ZFPM1: variants seen among roughly 807,000 people sequenced by gnomAD.
ZFPM1 encodes the protein zinc finger protein, FOG family member 1, also known as zinc finger protein ZFPM1.
ZFPM1 carries 28 observed loss-of-function variants against 46.3 expected under a neutral mutation model. The observed-to-expected ratio is 0.60, with a 90% CI of 0.45 to 0.83. ZFPM1 has a LOEUF of 0.83. Ranked by LOEUF, ZFPM1 falls within the 40% of genes least tolerant of loss-of-function variation. The pLI, the probability that ZFPM1 is intolerant of heterozygous loss-of-function variation, is 0.00. For missense variants in ZFPM1, 1,878 were observed against 1,432.4 expected, an observed-to-expected ratio of 1.31 and a Z score of -5.02; for synonymous variants, 957 against 675.9, an observed-to-expected ratio of 1.42 and a Z score of -6.45.
At chr16:88,527,761 G>A (rs532725144) in intron 5 of ZFPM1, among the ~76,000 whole-genome samples, 2 of 151,592 alleles carry the variant, frequency 1.3e-5, no homozygotes, top group Admixed American at 6.6e-5. Context: ...TCCACCACCC[G>A]CCCTCCACGT....
chr16:88,534,963 C>G lies in ZFPM1; in HGVS notation c.3005C>G (p.Ala1002Gly), dbSNP rs896467431. ...HKKYYCSSHA[A>G]EHVK ...AAGTATTACTGCTCCTCGCACGCCG[C>G]CGAGCACGTGAAGTGAGCGCCCACA... The change falls in exon 10 of 10, where the codon GCC becomes GGC. Residue 1002 changes from alanine (A) to glycine (G), a missense_variant. Transcript: ENST00000319555. 6.8e-7 allele frequency: 1 copy of G among 1,473,988 alleles called. No homozygotes were observed. Among genetic ancestry groups the G allele is most frequent in the Non-Finnish European group, 9.1e-7 (1 of 1,101,238 alleles). The allele number at this position is 1,473,988 out of a possible 1,614,324, so 91.3% of individuals were successfully genotyped here. A position where few individuals can be genotyped will look rare whatever the true frequency, so the allele number is the denominator to read the frequency against.
At chr16:88,521,536 G>A (rs1014345536) in intron 4 of ZFPM1, among the ~76,000 whole-genome samples, 2 of 54,928 alleles carry the variant, frequency 3.6e-5, no homozygotes, top group Non-Finnish European at 7.2e-5. Context: ...CCCCCAACCC[G>A]TGCTGTTCCC....
rs1909189785 is a variant in ZFPM1, at chr16:88,485,844, T to G, written c.41-95T>G. The G allele has an allele frequency of 3.3e-6, 4 of 1,197,354 alleles. No individual in the cohort carries two copies. The Admixed American group carries it at 5.9e-5, about 18-fold the overall frequency. 74.2% of individuals were successfully genotyped at this position (1,197,354 alleles called of 1,614,324 possible). A position where few individuals can be genotyped will look rare whatever the true frequency, so the allele number is the denominator to read the frequency against. On this transcript the variant is annotated intron_variant, in intron 1 of 9. Coordinates refer to ENST00000319555, the MANE Select transcript of ZFPM1 (RefSeq NM_153813.3). The stretch of plus-strand genomic sequence containing the variant: ...ACCCCCACCCATTGCCATTTCCGCC[T>G]GGGCACCGGGGCTGTACCTATGCCA...
At chr16:88,499,572 C>T (rs1314403805) in intron 3 of ZFPM1, among the ~76,000 whole-genome samples, 1 of 152,214 alleles carries the variant, frequency 6.6e-6, no homozygotes, top group Admixed American at 6.5e-5. Context: ...AGGCTGGACA[C>T]GGAGCAGGTC....
intron 3 of ZFPM1, among the ~76,000 whole-genome samples, chr16:88,502,000 C>G (rs1910371237): frequency 6.6e-6 from 1 of 152,168 alleles, no homozygotes; most frequent in Non-Finnish European, 1.5e-5. Flanking sequence ...TGCAAACGCC[C>G]CAACCCATGG....
At chr16:88,460,798 C>G (rs1421261579) in intron 1 of ZFPM1, among the ~76,000 whole-genome samples, 1 of 152,198 alleles carries the variant, frequency 6.6e-6, no homozygotes, top group African/African-American at 2.4e-5. Flanking sequence ...GGAAGAGGAC[C>G]TGACTTATTC....
At chr16:88,486,808 T>G (rs1909258000) in intron 2 of ZFPM1, among the ~76,000 whole-genome samples, 1 of 148,672 alleles carries the variant, frequency 6.7e-6, no homozygotes, top group African/African-American at 2.5e-5. Flanking sequence ...GGATGCTGGG[T>G]GCACAGCAGA....
At chr16:88,494,765 G>A (rs1257119724) in intron 3 of ZFPM1, among the ~76,000 whole-genome samples, 2 of 152,036 alleles carry the variant, frequency 1.3e-5, no homozygotes, top group Non-Finnish European at 2.9e-5. Context: ...GCAGCAGGAG[G>A]AGCCGGCAGG....
chr16:88,515,773 A>C (rs910006838), intron 4 of ZFPM1, among the ~76,000 whole-genome samples: 4 of 152,220 alleles, frequency 2.6e-5, no homozygotes, highest in African/African-American at 9.6e-5. Context: ...CAGCTCCACC[A>C]CAGGAAGGAA....
Position 88,534,922 on chromosome 16 carries a change from C to A in ZFPM1, c.2964C>A (p.Thr988=). The part of the protein sequence containing the change: ...LCNIKFSSLS[T]FIAHKKYYCS... ...ACATCAAGTTCAGCAGCCTGTCCAC[C>A]TTCATCGCCCACAAGAAGTATTACT... The change falls in exon 10 of 10, where the codon ACC becomes ACA. Residue 988 remains threonine, a synonymous_variant. Transcript: ENST00000319555. 6.4e-7 allele frequency: 1 copy of A among 1,551,264 alleles called. No individual in the cohort carries two copies. Among genetic ancestry groups the A allele is most frequent in the Non-Finnish European group, 8.7e-7 (1 of 1,150,540 alleles).
chr16:88,533,418 C>T lies in ZFPM1; in HGVS notation c.1460C>T (p.Ser487Leu). Residue 487 changes from serine (S) to leucine (L), a missense_variant, in exon 10 of 10, where the codon TCG becomes TTG. Physicochemically the swap from Ser to Leu is moderately radical, Grantham distance 145. Coordinates refer to ENST00000319555, the MANE Select transcript of ZFPM1 (RefSeq NM_153813.3). ...GPGEPGPQAPSRTPSPRSPAP... is the reference protein window; with the variant it reads ...GPGEPGPQAPLRTPSPRSPAP... ...GGAGAGCCTGGGCCCCAGGCCCCGTCGCGGACGCCGTCGCCGCGCAGCCCC... is the reference window on the plus strand; with the variant it reads ...GGAGAGCCTGGGCCCCAGGCCCCGTTGCGGACGCCGTCGCCGCGCAGCCCC... The T allele has an allele frequency of 6.7e-7, 1 of 1,484,974 alleles. No individual in the cohort carries two copies. Among genetic ancestry groups the T allele is most frequent in the Non-Finnish European group, 8.9e-7 (1 of 1,127,448 alleles). 92.0% of individuals were successfully genotyped at this position (1,484,974 alleles called of 1,614,324 possible).
chr16:88,452,754 G>A (rs1267373708), upstream of ZFPM1, among the ~76,000 whole-genome samples: 1 of 152,048 alleles, frequency 6.6e-6, no homozygotes, highest in East Asian at 1.9e-4. Flanking sequence ...ACAGTGCGGG[G>A]GCGGAGCCTC....
At chr16:88,498,438 C>T (rs889408144) in intron 3 of ZFPM1, among the ~76,000 whole-genome samples, 1 of 152,200 alleles carries the variant, frequency 6.6e-6, no homozygotes, top group African/African-American at 2.4e-5. Context: ...GTGTCCTGCC[C>T]GGGAGCAGTT....
In ZFPM1 at chr16:88,534,208, C is replaced by A. The variant is rs998505373; in HGVS notation, c.2250C>A (p.His750Gln). ...GACGCCGCAAGCTCTACGAGCTGCA[C>A]GCGGCCGGCGCCCCGCCCCCCCCGC... ...TRRRRKLYELHAAGAPPPPPP... is the reference protein window; with the variant it reads ...TRRRRKLYELQAAGAPPPPPP... Residue 750 changes from histidine (H) to glutamine (Q), a missense_variant, in exon 10 of 10, where the codon CAC becomes CAA. Coordinates refer to ENST00000319555, the MANE Select transcript of ZFPM1 (RefSeq NM_153813.3). The A allele has an allele frequency of 2.2e-5, 22 of 983,076 alleles. No individual in the cohort carries two copies. The highest frequency in any genetic ancestry group is 6.3e-5 in the Admixed American group (1 of 15,802). The allele number at this position is 983,076 out of a possible 1,614,324, so 60.9% of individuals were successfully genotyped here.
chr16:88,534,534 GC>G lies in ZFPM1; in HGVS notation c.2582del (p.Pro861ArgfsTer145). ...CTGCCCGCCGCCGCCTGCCCCTACT[GC>G]CCCCCGAACGGCCCGGTGCGCGGGG... ...LGLPAAACPYCPPNGPVRGDL... is the reference protein window; with the variant it reads ...LGLPAAACPYXPPNGPVRGDL... On this transcript the variant is annotated frameshift_variant, in exon 10 of 10. Coordinates refer to ENST00000319555, the MANE Select transcript of ZFPM1 (RefSeq NM_153813.3). LOFTEE classifies it low-confidence loss of function (END_TRUNC). 5 of 1,408,514 alleles carry G rather than the reference GC, an allele frequency of 3.5e-6. No individual in the cohort carries two copies. The highest frequency in any genetic ancestry group is 3.7e-6 in the Non-Finnish European group (4 of 1,083,720). 87.3% of individuals were successfully genotyped at this position (1,408,514 alleles called of 1,614,324 possible).
intron 1 of ZFPM1, among the ~76,000 whole-genome samples, chr16:88,472,040 G>C (rs1019555643): frequency 6.6e-6 from 1 of 152,214 alleles, no homozygotes; most frequent in Non-Finnish European, 1.5e-5. Context: ...AGTCTGTTGG[G>C]GCCACTCTCA....
intron 1 of ZFPM1, among the ~76,000 whole-genome samples, chr16:88,485,267 T>G (rs529735909): frequency 1.3e-5 from 2 of 152,154 alleles, no homozygotes; most frequent in South Asian, 2.1e-4. Context: ...TGTCCCCTGG[T>G]GCTGGGGGGA....
In ZFPM1 at chr16:88,511,654, G is replaced by A. The variant is rs866026527; in HGVS notation, c.269-2733G>A. On this transcript the variant is annotated intron_variant, in intron 3 of 9. Coordinates refer to ENST00000319555, the MANE Select transcript of ZFPM1 (RefSeq NM_153813.3). ...CACTTTCCAATGCGATTTTACTTCCGGTTGGGAGAGGGTCTCTGCAGGAAC... is the reference window on the plus strand; with the variant it reads ...CACTTTCCAATGCGATTTTACTTCCAGTTGGGAGAGGGTCTCTGCAGGAAC... Among the ~76,000 whole-genome samples, 10 of 152,288 alleles carry A rather than the reference G, an allele frequency of 6.6e-5. No homozygotes were observed. In the South Asian group the frequency reaches 8.3e-4, roughly 13 times the overall value.
Position 88,480,037 on chromosome 16 carries a change from C to T in ZFPM1, c.41-5902C>T, listed in dbSNP as rs1325480306. Among the ~76,000 whole-genome samples the T allele has an allele frequency of 6.6e-6, 1 of 151,956 alleles. No individual in the cohort carries two copies. Among genetic ancestry groups the T allele is most frequent in the Non-Finnish European group, 1.5e-5 (1 of 68,012 alleles). On this transcript the variant is annotated intron_variant, in intron 1 of 9. Transcript: ENST00000319555. This position sits in a 1 kb window ranked among gnomAD's most constrained non-coding sequence, Gnocchi z 4.9. ...GCCAACACCTGGCTGAGTCCTAACG[C>T]CAGCCTTTGGCAAGACAGTTTGATC...
Sources: allele counts gnomAD v4.1 joint callset (sites outside exome capture counted in the v4.1 genomes callset), GRCh38; gene constraint gnomAD v4.1.1; non-coding constraint Gnocchi (gnomAD v3.1); transcripts MANE v1.5; gene names NCBI Gene and HGNC (gene_info 2026-07-23, HGNC 2026-07-21).